ACOT7: variants seen among roughly 807,000 people sequenced by gnomAD.
ACOT7 encodes cytosolic acyl coenzyme A thioester hydrolase.
ACOT7 carries 12 observed loss-of-function variants against 40.2 expected under a neutral mutation model. The observed-to-expected ratio is 0.30, with a 90% CI of 0.19 to 0.48. The LOEUF (loss-of-function observed/expected upper bound fraction) is 0.48, where lower values mean the gene tolerates loss of function less well. Ranked by LOEUF, ACOT7 falls within the 20% of genes least tolerant of loss-of-function variation. ACOT7 has a pLI of 0.99. For missense variants in ACOT7, 395 were observed against 530.8 expected, an observed-to-expected ratio of 0.74 and a Z score of 2.51; for synonymous variants, 228 against 219.5, an observed-to-expected ratio of 1.04 and a Z score of -0.34.
intron 1 of ACOT7, among the ~76,000 whole-genome samples, chr1:6,370,840 T>TG (rs1642120329): frequency 6.7e-6 from 1 of 150,120 alleles, no homozygotes; most frequent in Non-Finnish European, 1.5e-5. Flanking sequence ...AGACAGAGTC[T>TG]CACTCTATTG....
intron 1 of ACOT7, among the ~76,000 whole-genome samples, chr1:6,391,318 C>T (rs1242884400): frequency 1.3e-5 from 2 of 151,996 alleles, no homozygotes; most frequent in Non-Finnish European, 2.9e-5. Context: ...CCAGCCTGGC[C>T]AACATGGAGA....
chr1:6,386,955 G>A (rs1414253924), intron 1 of ACOT7, among the ~76,000 whole-genome samples: 1 of 152,154 alleles, frequency 6.6e-6, no homozygotes, highest in Non-Finnish European at 1.5e-5. Flanking sequence ...TCACGTTTCT[G>A]TCCTAAATGA....
intron 8 of ACOT7, among the ~76,000 whole-genome samples, chr1:6,271,443 G>A (rs1320890800): frequency 6.6e-6 from 1 of 152,166 alleles, no homozygotes; most frequent in Non-Finnish European, 1.5e-5. Context: ...CAAAAGCAAT[G>A]AAAACATCTC....
At chr1:6,349,659 G>A (rs940629667) in intron 2 of ACOT7, 90 bp downstream of exon 2, 17 of 1,263,142 alleles carry the variant, frequency 1.3e-5, no homozygotes, top group Non-Finnish European at 1.6e-5. Context: ...GGGAGGGAAG[G>A]CTGCAGGCCT....
chr1:6,332,990 C>T (rs1207703001), intron 4 of ACOT7, among the ~76,000 whole-genome samples: 4 of 152,162 alleles, frequency 2.6e-5, no homozygotes, highest in South Asian at 2.1e-4. Flanking sequence ...ACAGCCACTG[C>T]GTCAGAAGCA....
intron 8 of ACOT7, among the ~76,000 whole-genome samples, chr1:6,276,345 C>T (rs1051430310): frequency 2.6e-5 from 4 of 152,166 alleles, no homozygotes; most frequent in African/African-American, 9.7e-5. Context: ...ACTTCTCCAG[C>T]CCCCTTCGGC....
At chr1:6,332,539 G>A (rs950500875) in intron 4 of ACOT7, among the ~76,000 whole-genome samples, 3 of 152,216 alleles carry the variant, frequency 2.0e-5, no homozygotes, top group East Asian at 1.9e-4. Flanking sequence ...GCTTCTGCCG[G>A]GCGCAGTGGT....
chr1:6,355,360 G>A lies in ACOT7; in HGVS notation c.144-5494C>T, dbSNP rs984694373. ...CTGCAAGGGTACTCACTGCACAGCC[G>A]TGTATAACGCAGGACATGGGCCAGC... is the stretch of plus-strand genomic sequence containing the variant. On this transcript the variant is annotated intron_variant, in intron 1 of 8. Coordinates refer to ENST00000361521, the MANE Select transcript of ACOT7 (RefSeq NM_007274.4). The surrounding 1 kb of genome is among the most constrained non-coding windows in gnomAD (Gnocchi z 5.0). Among the ~76,000 whole-genome samples, 2 of 152,208 alleles carry A rather than the reference G, an allele frequency of 1.3e-5. No homozygotes were observed. The highest frequency in any genetic ancestry group is 2.9e-5 in the Non-Finnish European group (2 of 68,038).
chr1:6,322,958 CCTCT>C (rs993696528), intron 5 of ACOT7, among the ~76,000 whole-genome samples: 10 of 151,602 alleles, frequency 6.6e-5, no homozygotes, highest in African/African-American at 2.4e-4. Context: ...TGGTGAAACC[CCTCT>C]CTATTAAAAA....
At chr1:6,297,873 A>C (rs1639856063) in intron 6 of ACOT7, among the ~76,000 whole-genome samples, 1 of 151,990 alleles carries the variant, frequency 6.6e-6, no homozygotes, top group Non-Finnish European at 1.5e-5. Context: ...GGGGCTTGGG[A>C]TGCTCTACAC....
At chr1:6,320,242 G>C (rs1640605703) in intron 5 of ACOT7, among the ~76,000 whole-genome samples, 1 of 152,224 alleles carries the variant, frequency 6.6e-6, no homozygotes, top group African/African-American at 2.4e-5. Flanking sequence ...CCGAAAAGGA[G>C]AGTTTTGTGT....
intron 1 of ACOT7, among the ~76,000 whole-genome samples, chr1:6,370,457 G>GTAGTAT (rs1553162214): frequency 8.5e-5 from 12 of 140,820 alleles, no homozygotes; most frequent in East Asian, 4.1e-4. Flanking sequence ...AGCAGTGTTA[G>GTAGTAT]TATTATTATT....
chr1:6,313,801 A>G (rs1237751837), intron 6 of ACOT7, among the ~76,000 whole-genome samples: 1 of 149,174 alleles, frequency 6.7e-6, no homozygotes, highest in East Asian at 1.9e-4. Flanking sequence ...TCACAGCTGC[A>G]TTGTTAGTTC....
At chr1:6,385,928 C>T (rs1467338560) in intron 1 of ACOT7, 1 of 1,010,200 alleles carries the variant, frequency 9.9e-7, no homozygotes. Context: ...CCTGAACTCA[C>T]AGACAGGGAA....
chr1:6,269,032 A>G (rs1638941176), intron 8 of ACOT7, among the ~76,000 whole-genome samples: 1 of 152,216 alleles, frequency 6.6e-6, no homozygotes, highest in Admixed American at 6.5e-5. Context: ...TTCCCTGCGC[A>G]ACCCATGCTT....
chr1:6,304,211 T>G (rs1377166093), intron 6 of ACOT7, among the ~76,000 whole-genome samples: 1 of 151,954 alleles, frequency 6.6e-6, no homozygotes, highest in Non-Finnish European at 1.5e-5. Flanking sequence ...TTTGAAGGGT[T>G]TGTGTTCATC....
intron 1 of ACOT7, among the ~76,000 whole-genome samples, chr1:6,374,065 T>C (rs1021476103): frequency 6.6e-6 from 1 of 152,194 alleles, no homozygotes; most frequent in Non-Finnish European, 1.5e-5. Context: ...GCAAATGCAT[T>C]GGGCTTGTTT....
chr1:6,336,501 T>C (rs1641106576), intron 3 of ACOT7, among the ~76,000 whole-genome samples: 1 of 152,182 alleles, frequency 6.6e-6, no homozygotes, highest in African/African-American at 2.4e-5. Context: ...TGCCTGGGCC[T>C]GTGCTCGCTC....
chr1:6,364,532 G>C (rs1265333834), intron 1 of ACOT7, among the ~76,000 whole-genome samples: 1 of 126,168 alleles, frequency 7.9e-6, no homozygotes, highest in African/African-American at 3.2e-5. Flanking sequence ...CAGAGCAAGA[G>C]ACTCTGTCTC....
Sources: allele counts gnomAD v4.1 joint callset (sites outside exome capture counted in the v4.1 genomes callset), GRCh38; gene constraint gnomAD v4.1.1; non-coding constraint Gnocchi (gnomAD v3.1); transcripts MANE v1.5; gene names NCBI Gene and HGNC (gene_info 2026-07-23, HGNC 2026-07-21).